The following SMARCC1 variants were observed in gnomAD, a reference collection of about 807,000 sequenced individuals.
The protein encoded by SMARCC1 is SWI/SNF complex subunit SMARCC1.
SMARCC1 carries 43 observed loss-of-function variants against 147.4 expected under a neutral mutation model. That is an observed-to-expected ratio of 0.29 (90% CI 0.23 to 0.38). SMARCC1 has a LOEUF of 0.38. SMARCC1 is among the 10% of genes least tolerant of loss of function. The probability of loss-of-function intolerance (pLI) is 1.00; values close to 1 mark genes in which losing one functional copy is unlikely to be tolerated. For synonymous variants in SMARCC1, 495 were observed against 484.4 expected (o/e 1.02, Z -0.29); for missense variants, 1,119 against 1,381.1 (o/e 0.81, Z 3.01).
chr3:47,692,673 A>C (rs1375157681), intron 12 of SMARCC1, among the ~76,000 whole-genome samples: 2 of 152,194 alleles, frequency 1.3e-5, no homozygotes, highest in Non-Finnish European at 2.9e-5. Flanking sequence ...TCATAATGGC[A>C]CTAAGAATAA....
rs887304734 is a variant in SMARCC1, at chr3:47,684,562, TC to T, written c.1385+1486del. 9.6e-4 allele frequency among the ~76,000 whole-genome samples: 146 copies of T among 151,638 alleles called. 1 individual carries two copies. The Middle Eastern group carries it at 0.014, about 14-fold the overall frequency. On this transcript the variant is annotated intron_variant, in intron 14 of 27. Coordinates refer to ENST00000254480, the MANE Select transcript of SMARCC1 (RefSeq NM_003074.4). ...TTCAAGCGATTCTCCTGCCTCAACC[TC>T]CCAAGTAGATGGGATTACAGGCACC...
chr3:47,755,361 AC>A (rs2034683195), intron 2 of SMARCC1, among the ~76,000 whole-genome samples: 1 of 150,848 alleles, frequency 6.6e-6, no homozygotes, highest in Non-Finnish European at 1.5e-5. Context: ...TTAGACAGGC[AC>A]GGTGGCAGCC....
chr3:47,622,685 T>C (rs1000404900), intron 24 of SMARCC1, among the ~76,000 whole-genome samples: 2 of 152,176 alleles, frequency 1.3e-5, no homozygotes, highest in African/African-American at 4.8e-5. Flanking sequence ...GTCCCCTCAC[T>C]ATCCTTTCCT....
rs564659309 is a variant in SMARCC1, at chr3:47,775,912, G to A, written c.196-2976C>T. Among the ~76,000 whole-genome samples, 16 of 152,098 alleles carry A rather than the reference G, an allele frequency of 1.1e-4. No homozygotes were observed. The Middle Eastern group carries it at 0.017, about 162-fold the overall frequency. ...CCTGTAATCCCAGCACTTTAGGAGGGCAAGGTGGACAGATCACTTGAGGTC... is the reference window on the plus strand; with the variant it reads ...CCTGTAATCCCAGCACTTTAGGAGGACAAGGTGGACAGATCACTTGAGGTC... On this transcript the variant is annotated intron_variant, in intron 1 of 27. Transcript: ENST00000254480.
At chr3:47,621,313 A>AG (rs2032727943) in intron 25 of SMARCC1, among the ~76,000 whole-genome samples, 1 of 151,954 alleles carries the variant, frequency 6.6e-6, no homozygotes, top group Admixed American at 6.6e-5. Flanking sequence ...AAAAAAAAAA[A>AG]AAAAAGAAAA....
intron 10 of SMARCC1, among the ~76,000 whole-genome samples, chr3:47,703,577 A>C (rs981518397): frequency 2.6e-5 from 4 of 152,222 alleles, no homozygotes; most frequent in South Asian, 4.1e-4. Flanking sequence ...TAAGAAAAGA[A>C]AAACACACTT....
intron 5 of SMARCC1, 77 bp from the exon 6 acceptor site, chr3:47,729,171 T>C (rs762413000): frequency 2.3e-5 from 20 of 856,960 alleles, no homozygotes; most frequent in Non-Finnish European, 1.9e-5. Context: ...ACAAATTCCA[T>C]ACAAATTCTA....
chr3:47,596,576 A>AAT (rs1553671664), intron 26 of SMARCC1, among the ~76,000 whole-genome samples: 129 of 151,624 alleles, frequency 8.5e-4, no homozygotes, highest in African/African-American at 3.0e-3. Flanking sequence ...CAAAAAAAAA[A>AAT]AAATAAATAA....
intron 4 of SMARCC1, among the ~76,000 whole-genome samples, chr3:47,737,724 C>T (rs2034460970): frequency 1.3e-5 from 2 of 151,952 alleles, no homozygotes; most frequent in Admixed American, 1.3e-4. Context: ...GGCGCAATCT[C>T]GGCTCACTGC....
At chr3:47,686,265 T>A (rs371337052) in intron 13 of SMARCC1, 95 bp from the exon 14 acceptor site, 2 of 983,354 alleles carry the variant, frequency 2.0e-6, no homozygotes, top group Admixed American at 5.2e-5. Flanking sequence ...TTAAATAAAA[T>A]GAAGCTCCCC....
chr3:47,653,106 C>T (rs1193360185), intron 21 of SMARCC1, among the ~76,000 whole-genome samples: 7 of 151,922 alleles, frequency 4.6e-5, no homozygotes, highest in Non-Finnish European at 7.4e-5. Context: ...TACAGGCGCC[C>T]GCCACCGCGC....
intron 5 of SMARCC1, among the ~76,000 whole-genome samples, chr3:47,732,660 G>A (rs1364936176): frequency 6.6e-6 from 1 of 152,158 alleles, no homozygotes; most frequent in Non-Finnish European, 1.5e-5. Context: ...TAGACAAGAG[G>A]TAGAGAGATA....
chr3:47,746,252 C>CAA (rs2034562770), intron 2 of SMARCC1: 1 of 301,756 alleles, frequency 3.3e-6, no homozygotes, highest in Non-Finnish European at 6.0e-6. Context: ...AGTTCAAGAC[C>CAA]AGTCTGGGCA....
chr3:47,652,061 T>C (rs1233522642), intron 21 of SMARCC1, among the ~76,000 whole-genome samples: 6 of 152,134 alleles, frequency 3.9e-5, no homozygotes, highest in Admixed American at 3.9e-4. Context: ...TCTCTGTAGC[T>C]TGGGCTCAGG....
chr3:47,708,096 T>C (rs953407268), intron 9 of SMARCC1, among the ~76,000 whole-genome samples: 85 of 112,596 alleles, frequency 7.5e-4, no homozygotes, highest in East Asian at 1.5e-3. Flanking sequence ...TTTTTTTTTT[T>C]TTTTTTTTTT....
At chr3:47,656,142 C>A (rs1036770859) in intron 21 of SMARCC1, among the ~76,000 whole-genome samples, 1 of 151,672 alleles carries the variant, frequency 6.6e-6, no homozygotes, top group East Asian at 1.9e-4. Context: ...ACCTGGGAGG[C>A]GGAGGTTGCA....
intron 19 of SMARCC1, chr3:47,663,829 C>G (rs1298425859): frequency 6.3e-7 from 1 of 1,581,314 alleles, no homozygotes; most frequent in Admixed American, 1.7e-5. Context: ...GGGGCAACAG[C>G]CAGCGCTCTC....
chr3:47,665,558 G>C (rs563127783), intron 19 of SMARCC1, among the ~76,000 whole-genome samples: 16 of 152,184 alleles, frequency 1.1e-4, no homozygotes, highest in African/African-American at 3.9e-4. Flanking sequence ...AGGTGGAGTT[G>C]GGGAAACTTC....
chr3:47,756,994 T>C (rs2034706038), intron 2 of SMARCC1, among the ~76,000 whole-genome samples: 1 of 152,144 alleles, frequency 6.6e-6, no homozygotes, highest in Non-Finnish European at 1.5e-5. Context: ...CTCACGCCTG[T>C]AATCCCAGCA....
Sources: allele counts gnomAD v4.1 joint callset (sites outside exome capture counted in the v4.1 genomes callset), GRCh38; gene constraint gnomAD v4.1.1; transcripts MANE v1.5; gene names NCBI Gene and HGNC (gene_info 2026-07-23, HGNC 2026-07-21).